MS4A12: variants seen among roughly 807,000 people sequenced by gnomAD.
MS4A12 encodes the protein membrane spanning 4-domains A12.
Under a neutral mutation model 23.7 loss-of-function variants are expected in MS4A12, and 28 were observed. The ratio of observed to expected loss-of-function variants is 1.18; its 90% CI spans 0.88 to 1.62. The LOEUF (loss-of-function observed/expected upper bound fraction) is 1.62. Among genes scored for constraint, MS4A12 ranks in the 40% most tolerant of loss-of-function variants. MS4A12 has a pLI of 0.00. For synonymous variants in MS4A12, 108 were observed against 110.1 expected (o/e 0.98, Z 0.12); for missense variants, 342 against 327.0 (o/e 1.05, Z -0.35).
chr11:60,500,856 C>T (rs1457784537), intron 2 of MS4A12, among the ~76,000 whole-genome samples, 189 bp from the exon 3 acceptor site: 1 of 152,244 alleles, frequency 6.6e-6, no homozygotes, highest in Admixed American at 6.5e-5. Flanking sequence ...CACTAAGGGC[C>T]TTGCACTCCA....
At chr11:60,503,666 G>C in intron 4 of MS4A12, 35 bp from the exon 5 acceptor site, 1 of 1,501,060 alleles carries the variant, frequency 6.7e-7, no homozygotes, top group Non-Finnish European at 9.2e-7. Flanking sequence ...CAGTGATCCT[G>C]TATATAATTG....
chr11:60,502,142 C>A (rs1320583640), intron 4 of MS4A12, 103 bp downstream of exon 4: 7 of 1,180,610 alleles, frequency 5.9e-6, no homozygotes, highest in South Asian at 2.7e-5. Context: ...AAAGGGAGCA[C>A]CTTTCCCAAA....
chr11:60,502,349 C>A (rs185129990), intron 4 of MS4A12, among the ~76,000 whole-genome samples: 16 of 152,298 alleles, frequency 1.1e-4, no homozygotes, highest in Admixed American at 1.3e-4. Context: ...TATGGGAAGT[C>A]CAAAGGAGAA....
chr11:60,496,107 G>C (rs1331583122), intron 1 of MS4A12, among the ~76,000 whole-genome samples: 1 of 152,196 alleles, frequency 6.6e-6, no homozygotes, highest in African/African-American at 2.4e-5. Flanking sequence ...AGGGGAATGA[G>C]ACAGGATAAA....
chr11:60,497,705 A>G, intron 2 of MS4A12, 111 bp downstream of exon 2: 2 of 1,198,914 alleles, frequency 1.7e-6, no homozygotes, highest in South Asian at 1.5e-5. Context: ...TTCTGAAATT[A>G]TCTCTTTTAG....
Position 60,501,136 on chromosome 11 carries a change from C to G in MS4A12, c.368C>G (p.Ala123Gly). The G allele has an allele frequency of 6.2e-7, 1 of 1,613,198 alleles. No individual in the cohort carries two copies. Among genetic ancestry groups the G allele is most frequent in the Non-Finnish European group, 8.5e-7 (1 of 1,179,696 alleles). The change falls in exon 3 of 7, where the codon GCC becomes GGC. Residue 123 changes from alanine (A) to glycine (G), a missense_variant. Ala to Gly is a moderately conservative substitution (Grantham distance 60). Coordinates refer to ENST00000016913, the MANE Select transcript of MS4A12 (RefSeq NM_017716.3). ...TCTTTTAGAGAAGTATTAGGTTTTG[C>G]CTCTACTGCTGTTATTGGTGGATAC... ...SFSFREVLGF[A>G]STAVIGGYPF...
chr11:60,499,201 G>A (rs1485721054), intron 2 of MS4A12, among the ~76,000 whole-genome samples: 1 of 152,260 alleles, frequency 6.6e-6, no homozygotes, highest in Non-Finnish European at 1.5e-5. Flanking sequence ...AGGGGCCACA[G>A]GTGGCAGGAC....
chr11:60,499,274 A>G (rs1395979852), intron 2 of MS4A12, among the ~76,000 whole-genome samples: 3 of 152,196 alleles, frequency 2.0e-5, no homozygotes, highest in Non-Finnish European at 4.4e-5. Flanking sequence ...AATGCAGACA[A>G]ATTGTATGTC....
chr11:60,495,540 G>A (rs141856238), intron 1 of MS4A12, among the ~76,000 whole-genome samples: 4 of 151,794 alleles, frequency 2.6e-5, no homozygotes, highest in South Asian at 4.2e-4. Context: ...CCCTGTAATC[G>A]GCACAATTCC....
chr11:60,497,367 C>T lies in MS4A12; in HGVS notation c.49C>T (p.Pro17Ser), dbSNP rs138899173. 1.2e-6 allele frequency: 2 copies of T among 1,614,034 alleles called. No homozygotes were observed. Among genetic ancestry groups the T allele is most frequent in the Non-Finnish European group, 8.5e-7 (1 of 1,180,020 alleles). The change falls in exon 2 of 7, where the codon CCC becomes TCC. Residue 17 changes from proline (P) to serine (S), a missense_variant. By Grantham distance (74) the Pro-to-Ser change is moderately conservative. Coordinates refer to ENST00000016913, the MANE Select transcript of MS4A12 (RefSeq NM_017716.3). Reference protein sequence around the residue: ...TSHAEVNETIPNPYPPSSFMA... With the variant: ...TSHAEVNETISNPYPPSSFMA... ...CCATGCTGAAGTAAATGAAACCATA[C>T]CCAACCCTTACCCACCAAGCAGCTT... is the stretch of plus-strand genomic sequence containing the variant.
At chr11:60,494,234 T>C (rs928436148) in intron 1 of MS4A12, among the ~76,000 whole-genome samples, 2 of 152,218 alleles carry the variant, frequency 1.3e-5, no homozygotes, top group Non-Finnish European at 2.9e-5. Flanking sequence ...ACTATAGACC[T>C]AGCCATGAAT....
In MS4A12 at chr11:60,503,733, T is replaced by G. The variant is rs771617330; in HGVS notation, c.504T>G (p.Ser168Arg). 1 of 1,613,866 alleles carries G rather than the reference T, an allele frequency of 6.2e-7. No homozygotes were observed. Among genetic ancestry groups the G allele is most frequent in the East Asian group, 2.2e-5 (1 of 44,878 alleles). ...VKGSLGMNIVSSILAFIGVIL... is the reference protein window; with the variant it reads ...VKGSLGMNIVRSILAFIGVIL... ...GCAGCCTGGGAATGAACATTGTTAG[T>G]TCTATCTTGGCCTTCATTGGAGTGA... Residue 168 changes from serine (S) to arginine (R), a missense_variant, in exon 5 of 7, where the codon AGT becomes AGG. Physicochemically the swap from Ser to Arg is moderately radical, Grantham distance 110. Coordinates refer to ENST00000016913, the MANE Select transcript of MS4A12 (RefSeq NM_017716.3).
chr11:60,502,004 T>G lies in MS4A12; in HGVS notation c.436T>G (p.Ser146Ala). The part of the protein sequence containing the change: ...GLSFIISGSL[S>A]VSASKELSRC... ...ACAGTTTATTATCTCTGGCTCTCTC[T>G]CTGTGTCAGCATCCAAGGAGCTTTC... The change falls in exon 4 of 7, where the codon TCT (serine) becomes GCT (alanine). Residue 146 changes from serine (S) to alanine (A), a missense_variant. Transcript: ENST00000016913. The G allele has an allele frequency of 6.2e-7, 1 of 1,613,258 alleles. No homozygotes were observed. The highest frequency in any genetic ancestry group is 1.3e-5 in the African/African-American group (1 of 75,042).
chr11:60,504,501 CAGAAGA>C (rs2086555809), intron 5 of MS4A12, among the ~76,000 whole-genome samples: 1 of 152,164 alleles, frequency 6.6e-6, no homozygotes, highest in Non-Finnish European at 1.5e-5. Flanking sequence ...TGGAAAACCA[CAGAAGA>C]GTGGTTTTAT....
At chr11:60,496,065 C>A (rs74607606) in intron 1 of MS4A12, among the ~76,000 whole-genome samples, 2 of 152,166 alleles carry the variant, frequency 1.3e-5, no homozygotes, top group Non-Finnish European at 2.9e-5. Flanking sequence ...TGTCACTTAA[C>A]GACTCAGCTT....
chr11:60,501,254 T>C (rs1050279979), intron 3 of MS4A12, 72 bp downstream of exon 3: 2 of 1,436,186 alleles, frequency 1.4e-6, no homozygotes, highest in Admixed American at 5.0e-5. Context: ...AAAGTATTGC[T>C]ATCTCCAGCC....
Position 60,507,016 on chromosome 11 carries a change from C to T in MS4A12, c.700-4C>T, listed in dbSNP as rs755650976. ...TATTGCTTGTTTTTATTCATTCTTTCCAGTCTGTCCTGGTTATTCCAAATA... is the reference window on the plus strand; with the variant it reads ...TATTGCTTGTTTTTATTCATTCTTTTCAGTCTGTCCTGGTTATTCCAAATA... On this transcript the variant is annotated splice_polypyrimidine_tract_variant and splice_region_variant and intron_variant, in intron 6 of 6. Transcript: ENST00000016913. 5 of 1,608,344 alleles carry T rather than the reference C, an allele frequency of 3.1e-6. No homozygotes were observed. The South Asian group carries it at 3.3e-5, about 11-fold the overall frequency.
At chr11:60,498,593 C>T (rs2086507109) in intron 2 of MS4A12, among the ~76,000 whole-genome samples, 1 of 152,158 alleles carries the variant, frequency 6.6e-6, no homozygotes, top group East Asian at 1.9e-4. Flanking sequence ...AATCTCTGCC[C>T]TCACAGAACT....
At chr11:60,503,639 C>A (rs2086547810) in intron 4 of MS4A12, 62 bp from the exon 5 acceptor site, 3 of 1,272,398 alleles carry the variant, frequency 2.4e-6, no homozygotes, top group Admixed American at 4.5e-5. Flanking sequence ...TTGATTGATT[C>A]TTATCTCACT....
Sources: gnomAD v4.1 joint callset for allele counts (sites outside exome capture counted in the v4.1 genomes callset) on GRCh38, gnomAD v4.1.1 for gene constraint, MANE v1.5 for transcripts, NCBI Gene and HGNC (gene_info 2026-07-23, HGNC 2026-07-21) for gene names.